PDPN: variants seen among roughly 807,000 people sequenced by gnomAD.
PDPN encodes podoplanin.
Under a neutral mutation model 23.2 loss-of-function variants are expected in PDPN, and 12 were observed. The ratio of observed to expected loss-of-function variants is 0.52; its 90% CI spans 0.33 to 0.84. The LOEUF is 0.84. PDPN is among the 40% of genes least tolerant of loss of function. The probability of loss-of-function intolerance (pLI) is 0.02; values close to 1 mark genes in which losing one functional copy is unlikely to be tolerated. For synonymous variants in PDPN, 77 were observed against 76.7 expected, an observed-to-expected ratio of 1.00 and a Z score of -0.02; for missense variants, 199 against 212.2, an observed-to-expected ratio of 0.94 and a Z score of 0.39.
chr1:13,607,595 C>T (rs1640824026), intron 2 of PDPN, among the ~76,000 whole-genome samples: 1 of 152,168 alleles, frequency 6.6e-6, no homozygotes, highest in South Asian at 2.1e-4. Context: ...TTCCAAGAAT[C>T]TATCAACAAC....
In PDPN at chr1:13,584,002, G is replaced by A. The variant is rs1640108670; in HGVS notation, c.-32G>A. 1 of 1,613,426 alleles carries A rather than the reference G, an allele frequency of 6.2e-7. No individual in the cohort carries two copies. The highest frequency in any genetic ancestry group is 1.3e-5 in the African/African-American group (1 of 75,058). ...CCCCAGCTCAGAATCTTGCTGCTCG[G>A]CCCCCAGGAGAGCAACAACTCAACG... On this transcript the variant is annotated 5_prime_UTR_variant, in exon 1 of 6. Transcript: ENST00000621990.
intron 3 of PDPN, among the ~76,000 whole-genome samples, chr1:13,611,107 G>C (rs866534636): frequency 7.2e-5 from 11 of 152,170 alleles, no homozygotes; most frequent in Non-Finnish European, 1.2e-4. Flanking sequence ...TGTAGTCCCA[G>C]CTACTTGGGA....
intron 3 of PDPN, among the ~76,000 whole-genome samples, chr1:13,611,038 G>A (rs536796505): frequency 1.6e-4 from 24 of 151,918 alleles, no homozygotes; most frequent in African/African-American, 5.1e-4. Flanking sequence ...TGGCTAACAC[G>A]GTGAAACCCC....
intron 2 of PDPN, among the ~76,000 whole-genome samples, chr1:13,607,665 A>G (rs1640825969): frequency 6.6e-6 from 1 of 152,170 alleles, no homozygotes; most frequent in Non-Finnish European, 1.5e-5. Context: ...TGCTGATCAC[A>G]GGTGGTTGGA....
intron 3 of PDPN, 81 bp downstream of exon 3, chr1:13,610,597 T>C: frequency 7.3e-7 from 1 of 1,372,378 alleles, no homozygotes; most frequent in Non-Finnish European, 1.0e-6. Flanking sequence ...ACAAATAGAA[T>C]AATCAATAGG....
At chr1:13,612,161 C>T (rs1640951811) in intron 3 of PDPN, among the ~76,000 whole-genome samples, 1 of 152,152 alleles carries the variant, frequency 6.6e-6, no homozygotes, top group Non-Finnish European at 1.5e-5. Context: ...CTACTTAATA[C>T]ATCGTTATTC....
rs371101769 is a variant in PDPN, at chr1:13,595,969, G to A, written c.68-11204G>A. 3.5e-5 allele frequency: 30 copies of A among 853,226 alleles called. No homozygotes were observed. In the East Asian group the frequency reaches 5.0e-4, roughly 14 times the overall value. The allele number at this position is 853,226 out of a possible 1,614,324, so 52.9% of individuals were successfully genotyped here. A position where few individuals can be genotyped will look rare whatever the true frequency, so the allele number is the denominator to read the frequency against. On this transcript the variant is annotated intron_variant, in intron 1 of 5. Coordinates refer to ENST00000621990, the MANE Select transcript of PDPN (RefSeq NM_006474.5). Reference sequence around the variant, plus strand: ...TCCCAGGACTTTGGGAGGCTGAGGCGGGCAGATCACCTGAGGTCAGGAGTT... The same window carrying A: ...TCCCAGGACTTTGGGAGGCTGAGGCAGGCAGATCACCTGAGGTCAGGAGTT...
intron 1 of PDPN, among the ~76,000 whole-genome samples, chr1:13,595,505 C>G (rs1446004434): frequency 6.6e-6 from 1 of 152,178 alleles, no homozygotes; most frequent in Admixed American, 6.5e-5. Flanking sequence ...AGACTGCCTC[C>G]CAGTTTGTAG....
intron 1 of PDPN, among the ~76,000 whole-genome samples, chr1:13,597,500 A>T (rs1640527171): frequency 6.6e-6 from 1 of 152,234 alleles, no homozygotes; most frequent in Non-Finnish European, 1.5e-5. Context: ...CAGATTAGGG[A>T]GCTGCAGGTC....
chr1:13,614,744 G>A, intron 5 of PDPN: 1 of 462,790 alleles, frequency 2.2e-6, no homozygotes, highest in Non-Finnish European at 4.3e-6. Context: ...CTATGATTGT[G>A]CCACTGCACT....
chr1:13,603,132 G>A lies in PDPN; in HGVS notation c.68-4041G>A, dbSNP rs1640690341. Among the ~76,000 whole-genome samples the A allele has an allele frequency of 2.0e-5, 3 of 152,134 alleles. No individual in the cohort carries two copies. The South Asian group carries it at 6.2e-4, about 32-fold the overall frequency. On this transcript the variant is annotated intron_variant, in intron 1 of 5. Transcript: ENST00000621990. ...AAGAAATTCTGTTTAAAAAAGAAATGCCCACTTTGGGAGGCCAAGGCAGGC... is the reference window on the plus strand; with the variant it reads ...AAGAAATTCTGTTTAAAAAAGAAATACCCACTTTGGGAGGCCAAGGCAGGC...
At chr1:13,584,322 C>A in intron 1 of PDPN, 1 of 1,495,676 alleles carries the variant, frequency 6.7e-7, no homozygotes, top group South Asian at 1.3e-5. Flanking sequence ...GGAGGAGCCC[C>A]GGAATCCACA....
intron 1 of PDPN, among the ~76,000 whole-genome samples, chr1:13,596,954 G>A (rs1449632800): frequency 6.6e-6 from 1 of 152,122 alleles, no homozygotes; most frequent in Non-Finnish European, 1.5e-5. Context: ...AAATGTTGGA[G>A]GTTGGCACCT....
At chr1:13,607,123 C>A in intron 1 of PDPN, 50 bp from the exon 2 acceptor site, 1 of 1,565,374 alleles carries the variant, frequency 6.4e-7, no homozygotes, top group South Asian at 1.2e-5. Flanking sequence ...CAAGTTGGGT[C>A]TGCTTATGCA....
At chr1:13,601,439 G>A (rs962501057) in intron 1 of PDPN, among the ~76,000 whole-genome samples, 4 of 152,156 alleles carry the variant, frequency 2.6e-5, no homozygotes, top group Non-Finnish European at 5.9e-5. Flanking sequence ...TCCCTGCAAC[G>A]TCTGCCTCCT....
intron 1 of PDPN, among the ~76,000 whole-genome samples, chr1:13,593,784 T>C (rs931275093): frequency 6.6e-6 from 1 of 152,194 alleles, no homozygotes; most frequent in Non-Finnish European, 1.5e-5. Flanking sequence ...ACACACCCCA[T>C]TGAGAAGCTC....
chr1:13,601,500 G>T (rs965112824), intron 1 of PDPN, among the ~76,000 whole-genome samples: 6 of 152,200 alleles, frequency 3.9e-5, no homozygotes, highest in Non-Finnish European at 8.8e-5. Flanking sequence ...GGGACTGCAG[G>T]CATGTGCTAT....
At chr1:13,590,103 C>G (rs1363696188) in intron 1 of PDPN, among the ~76,000 whole-genome samples, 1 of 152,250 alleles carries the variant, frequency 6.6e-6, no homozygotes. Context: ...GCTGGAATTA[C>G]AGGCGTAAGC....
chr1:13,585,573 C>T, intron 1 of PDPN: 1 of 1,352,036 alleles, frequency 7.4e-7, no homozygotes, highest in Non-Finnish European at 9.8e-7. Context: ...TGCTGGGTAA[C>T]ATCCTTTGTT....
Sources: gnomAD v4.1 joint callset for allele counts (sites outside exome capture counted in the v4.1 genomes callset) on GRCh38, gnomAD v4.1.1 for gene constraint, MANE v1.5 for transcripts, NCBI Gene and HGNC (gene_info 2026-07-23, HGNC 2026-07-21) for gene names.